Variants in ARB2A observed in about 807,000 individuals in gnomAD.
The protein encoded by ARB2A is cotranscriptional regulator ARB2A.
At chr5:93,654,643 T>A in the ARB2A span, among the ~76,000 whole-genome samples, 1 of 152,230 alleles carries the variant, frequency 6.6e-6, no homozygotes, top group African/African-American at 2.4e-5. Context: ...CTGTTTTTCA[T>A]AAAATTATTT....
chr5:93,799,143 T>C, the ARB2A span, among the ~76,000 whole-genome samples: 1 of 152,142 alleles, frequency 6.6e-6, no homozygotes, highest in Non-Finnish European at 1.5e-5. Flanking sequence ...CTCAGTCATA[T>C]GTTTTTTAGA....
the ARB2A span, among the ~76,000 whole-genome samples, chr5:93,915,398 T>C: frequency 2.0e-5 from 3 of 151,594 alleles, no homozygotes; most frequent in African/African-American, 7.3e-5. Flanking sequence ...CTGAGAATAA[T>C]GCAGTATAGG....
chr5:93,942,843 G>A, the ARB2A span, among the ~76,000 whole-genome samples: 2 of 152,116 alleles, frequency 1.3e-5, no homozygotes, highest in Non-Finnish European at 2.9e-5. Context: ...GTATGTAGCT[G>A]TAGATGTGTA....
the ARB2A span, among the ~76,000 whole-genome samples, chr5:93,731,347 T>A: frequency 7.8e-3 from 1,186 of 152,190 alleles, 5 homozygotes; most frequent in Non-Finnish European, 0.011. Flanking sequence ...AATGTAAAGA[T>A]ACAGCGAGAA....
At chr5:93,786,369 T>C in the ARB2A span, among the ~76,000 whole-genome samples, 2 of 152,216 alleles carry the variant, frequency 1.3e-5, no homozygotes, top group Non-Finnish European at 2.9e-5. Flanking sequence ...TCTTTCTGGC[T>C]GACGTTTCAT....
chr5:93,797,224 T>G, the ARB2A span, among the ~76,000 whole-genome samples: 2 of 152,074 alleles, frequency 1.3e-5, no homozygotes, highest in Non-Finnish European at 2.9e-5. Context: ...TGAGGAAGCG[T>G]TTATGTGTGA....
At chr5:94,089,630 C>G in the ARB2A span, among the ~76,000 whole-genome samples, 1 of 151,634 alleles carries the variant, frequency 6.6e-6, no homozygotes, top group Non-Finnish European at 1.5e-5. Flanking sequence ...CACACACACA[C>G]ACACACACAC....
the ARB2A span, among the ~76,000 whole-genome samples, chr5:93,760,170 C>T: frequency 6.6e-5 from 10 of 152,038 alleles, no homozygotes; most frequent in South Asian, 2.1e-3. Flanking sequence ...CAAAACAAAA[C>T]CACTTAGGAA....
the ARB2A span, among the ~76,000 whole-genome samples, chr5:93,668,859 C>T: frequency 6.6e-6 from 1 of 152,102 alleles, no homozygotes; most frequent in African/African-American, 2.4e-5. Flanking sequence ...GATAGCTCTA[C>T]CAGAGTCAAT....
the ARB2A span, among the ~76,000 whole-genome samples, chr5:94,098,130 C>T: frequency 6.6e-6 from 1 of 152,022 alleles, no homozygotes; most frequent in Admixed American, 6.6e-5. Context: ...TGACTGAAAC[C>T]AACTTAAAGA....
At chr5:93,999,649 T>C in the ARB2A span, among the ~76,000 whole-genome samples, 1 of 151,980 alleles carries the variant, frequency 6.6e-6, no homozygotes, top group Non-Finnish European at 1.5e-5. Context: ...TTGACTGCAA[T>C]TGATGATAAG....
At chr5:93,676,607 C>A in the ARB2A span, among the ~76,000 whole-genome samples, 1 of 152,072 alleles carries the variant, frequency 6.6e-6, no homozygotes, top group Non-Finnish European at 1.5e-5. Context: ...TGAACAAATA[C>A]CATAGCGGGG....
chr5:93,870,271 G>A, the ARB2A span, among the ~76,000 whole-genome samples: 19 of 152,132 alleles, frequency 1.2e-4, no homozygotes, highest in Non-Finnish European at 4.4e-5. Flanking sequence ...AATGCTCCCT[G>A]AGTCCAGATC....
At chr5:93,699,717 G>A in the ARB2A span, among the ~76,000 whole-genome samples, 1 of 151,934 alleles carries the variant, frequency 6.6e-6, no homozygotes, top group Admixed American at 6.6e-5. Flanking sequence ...TGCTGCGACT[G>A]CCAGTAAAGA....
the ARB2A span, among the ~76,000 whole-genome samples, chr5:93,694,037 G>C: frequency 6.6e-6 from 1 of 152,098 alleles, no homozygotes; most frequent in Non-Finnish European, 1.5e-5. Flanking sequence ...CTGATGGAAT[G>C]TATCTCAAAA....
At chr5:93,933,105 C>A in the ARB2A span, among the ~76,000 whole-genome samples, 1 of 152,164 alleles carries the variant, frequency 6.6e-6, no homozygotes, top group Non-Finnish European at 1.5e-5. Flanking sequence ...CAATGAGATA[C>A]CATTTCATGC....
chr5:93,855,005 G>C, the ARB2A span, among the ~76,000 whole-genome samples: 1 of 152,018 alleles, frequency 6.6e-6, no homozygotes, highest in African/African-American at 2.4e-5. Flanking sequence ...TCAATTCCTG[G>C]GTATCCTTGT....
chr5:93,761,133 C>G, the ARB2A span, among the ~76,000 whole-genome samples: 1 of 152,120 alleles, frequency 6.6e-6, no homozygotes, highest in Non-Finnish European at 1.5e-5. Context: ...GCATGAGCGA[C>G]GCAGAAGACG....
chr5:93,699,991 G>T, the ARB2A span, among the ~76,000 whole-genome samples: 1 of 151,966 alleles, frequency 6.6e-6, no homozygotes, highest in Admixed American at 6.6e-5. Context: ...TCTATCTGGT[G>T]AGGAAATAAC....
Sources: allele counts gnomAD v4.1 joint callset (sites outside exome capture counted in the v4.1 genomes callset), GRCh38; gene constraint gnomAD v4.1.1; transcripts MANE v1.5; gene names NCBI Gene and HGNC (gene_info 2026-07-23, HGNC 2026-07-21).